Variants in GNAO1 observed in about 807,000 individuals in gnomAD.
The protein encoded by GNAO1 is guanine nucleotide-binding protein G(o) subunit alpha.
For missense variants in GNAO1, 166 were observed against 478.7 expected, an observed-to-expected ratio of 0.35 and a Z score of 6.10; for synonymous variants, 164 against 180.7, an observed-to-expected ratio of 0.91 and a Z score of 0.74.
At chr16:56,345,033 C>A in intron 6 of GNAO1, 1 of 985,406 alleles carries the variant, frequency 1.0e-6, no homozygotes, top group Non-Finnish European at 1.2e-6. Context: ...AGTATTTGGA[C>A]CCAGGCCAGC....
intron 7 of GNAO1, chr16:56,352,592 C>G (rs1200854065): frequency 6.6e-6 from 1 of 152,308 alleles, no homozygotes; most frequent in Non-Finnish European, 1.5e-5. Flanking sequence ...TGGGCTCAGT[C>G]TCAGGGCCAC....
chr16:56,268,925 C>T (rs1179454933), intron 2 of GNAO1, among the ~76,000 whole-genome samples: 1 of 152,140 alleles, frequency 6.6e-6, no homozygotes, highest in African/African-American at 2.4e-5. Flanking sequence ...AAAAATGTGT[C>T]ATATGAGGCC....
At chr16:56,250,476 G>A (rs1224121390) in intron 2 of GNAO1, among the ~76,000 whole-genome samples, 1 of 152,204 alleles carries the variant, frequency 6.6e-6, no homozygotes, top group Non-Finnish European at 1.5e-5. Flanking sequence ...GTTTAGTTGG[G>A]TGGCTCTTGG....
intron 3 of GNAO1, chr16:56,303,037 A>C (rs1366319015): frequency 6.6e-6 from 1 of 152,190 alleles, no homozygotes; most frequent in African/African-American, 2.4e-5. Context: ...AATTCATCTG[A>C]ACCATCTCTG....
intron 2 of GNAO1, among the ~76,000 whole-genome samples, chr16:56,271,666 G>T (rs2037019275): frequency 6.6e-6 from 1 of 152,100 alleles, no homozygotes; most frequent in African/African-American, 2.4e-5. Context: ...TGTTAGCCAG[G>T]CTGGTCTCAA....
chr16:56,336,634 G>GC, intron 5 of GNAO1, 97 bp from the exon 6 acceptor site: 1 of 1,120,202 alleles, frequency 8.9e-7, no homozygotes, highest in South Asian at 1.5e-5. Flanking sequence ...GAGCACCATG[G>GC]CCCCCATCCT....
At chr16:56,219,362 T>C (rs2036463841) in intron 2 of GNAO1, among the ~76,000 whole-genome samples, 1 of 152,082 alleles carries the variant, frequency 6.6e-6, no homozygotes, top group Admixed American at 6.6e-5. Flanking sequence ...GGGAGGAAGG[T>C]CCTGTGTGGC....
chr16:56,221,495 C>G (rs1463661988), intron 2 of GNAO1, among the ~76,000 whole-genome samples: 1 of 151,810 alleles, frequency 6.6e-6, no homozygotes, highest in Non-Finnish European at 1.5e-5. Flanking sequence ...ACTAAAAATA[C>G]AAAAATTAGC....
chr16:56,349,685 A>G (rs958027037), intron 6 of GNAO1, among the ~76,000 whole-genome samples: 2 of 152,206 alleles, frequency 1.3e-5, no homozygotes, highest in African/African-American at 4.8e-5. Context: ...GCCGTGTACT[A>G]CAGCTCCTGG....
intron 2 of GNAO1, among the ~76,000 whole-genome samples, chr16:56,204,440 G>T (rs1358918600): frequency 2.6e-5 from 4 of 152,128 alleles, no homozygotes; most frequent in Non-Finnish European, 5.9e-5. Flanking sequence ...GAGAGGGAGG[G>T]CCCAGGGAAG....
chr16:56,340,522 C>A (rs528946302), intron 6 of GNAO1: 5 of 362,234 alleles, frequency 1.4e-5, no homozygotes, highest in Non-Finnish European at 2.6e-5. Context: ...TGCATGTCCT[C>A]TCCGTGAGCT....
chr16:56,276,796 T>G (rs1303395154), intron 3 of GNAO1: 1 of 152,200 alleles, frequency 6.6e-6, no homozygotes, highest in Non-Finnish European at 1.5e-5. Flanking sequence ...CAGAATTCTT[T>G]CCAGAAGCAG....
At chr16:56,196,363 T>C (rs1309896696) in intron 2 of GNAO1, among the ~76,000 whole-genome samples, 1 of 152,238 alleles carries the variant, frequency 6.6e-6, no homozygotes, top group Non-Finnish European at 1.5e-5. Flanking sequence ...CTCATCATTT[T>C]GTAGTCAGTC....
At chr16:56,346,616 C>G (rs770278159) in intron 6 of GNAO1, 11 of 985,400 alleles carry the variant, frequency 1.1e-5, no homozygotes, top group Non-Finnish European at 1.3e-5. Flanking sequence ...GCAGAGAGCA[C>G]AGTCTGGGCC....
At chr16:56,273,523 A>G (rs57436706) in intron 2 of GNAO1, among the ~76,000 whole-genome samples, 5,615 of 152,218 alleles carry the variant, frequency 0.037, 243 homozygotes, top group South Asian at 0.1. Flanking sequence ...GCATTTTATC[A>G]TAGTTATGGG....
rs1032573744 is a variant in GNAO1 at position 56,324,637 on chromosome 16, G to A, written c.304-3994G>A. 3.3e-5 allele frequency among the ~76,000 whole-genome samples: 5 copies of A among 152,226 alleles called. No homozygotes were observed. The East Asian group carries it at 9.6e-4, about 29-fold the overall frequency. On this transcript the variant is annotated intron_variant, in intron 3 of 8. Transcript: ENST00000262493. ...CTGCTGCCCTGAGTCATCCCTGCCT[G>A]CCTGGGGCACCCAAAGCCCAGGCCC... is the stretch of plus-strand genomic sequence containing the variant.
At chr16:56,253,141 C>T (rs1250018381) in intron 2 of GNAO1, among the ~76,000 whole-genome samples, 2 of 152,188 alleles carry the variant, frequency 1.3e-5, no homozygotes, top group African/African-American at 4.8e-5. Context: ...TCCTGGGCCC[C>T]CTCTTGCCTG....
chr16:56,286,067 G>T (rs892940287), intron 3 of GNAO1, among the ~76,000 whole-genome samples: 1 of 152,202 alleles, frequency 6.6e-6, no homozygotes, highest in Non-Finnish European at 1.5e-5. Context: ...AGGCTGTGTG[G>T]GGTGGGGACA....
chr16:56,259,364 T>C (rs1276837640), intron 2 of GNAO1, among the ~76,000 whole-genome samples: 3 of 152,158 alleles, frequency 2.0e-5, no homozygotes, highest in Non-Finnish European at 4.4e-5. Flanking sequence ...GGGAGCCCTA[T>C]TTGTGCCACA....
Sources: gnomAD v4.1 joint callset for allele counts (sites outside exome capture counted in the v4.1 genomes callset) on GRCh38, gnomAD v4.1.1 for gene constraint, MANE v1.5 for transcripts, NCBI Gene and HGNC (gene_info 2026-07-23, HGNC 2026-07-21) for gene names.